The following RNF214 variants were observed in gnomAD, a reference collection of about 807,000 sequenced individuals.
RNF214 encodes the protein ring finger protein 214.
Under a neutral mutation model 75.9 loss-of-function variants are expected in RNF214, and 25 were observed. The ratio of observed to expected loss-of-function variants is 0.33; its 90% confidence interval spans 0.24 to 0.46. RNF214 has a LOEUF of 0.46. RNF214 is among the 20% of genes least tolerant of loss of function. The pLI, the probability that RNF214 is intolerant of heterozygous loss-of-function variation, is 1.00. For missense variants in RNF214, 725 were observed against 857.5 expected, an observed-to-expected ratio of 0.85 and a Z score of 1.93; for synonymous variants, 314 against 308.8, an observed-to-expected ratio of 1.02 and a Z score of -0.18.
chr11:117,277,464 G>A lies in RNF214; in HGVS notation c.960-2444G>A, dbSNP rs551457163. The stretch of plus-strand genomic sequence containing the variant: ...GAATATACCTTGTCAGTAGAGGGCT[G>A]ATGTCAGAGATTGAATAAGTGTGTA... On this transcript the variant is annotated intron_variant, in intron 6 of 14. Coordinates refer to ENST00000300650, the MANE Select transcript of RNF214 (RefSeq NM_207343.4). Among the ~76,000 whole-genome samples, 3 of 152,278 alleles carry A rather than the reference G, an allele frequency of 2.0e-5. No homozygotes were observed. The South Asian group carries it at 6.2e-4, about 32-fold the overall frequency.
intron 6 of RNF214, among the ~76,000 whole-genome samples, chr11:117,250,353 T>C (rs1002742591): frequency 3.9e-5 from 6 of 152,224 alleles, no homozygotes; most frequent in Non-Finnish European, 8.8e-5. Context: ...TGTTAAGTAA[T>C]ACTGTGTCAG....
chr11:117,241,055 C>T (rs905446805), intron 4 of RNF214, among the ~76,000 whole-genome samples: 1 of 151,984 alleles, frequency 6.6e-6, no homozygotes, highest in Non-Finnish European at 1.5e-5. Flanking sequence ...TGGCGTGTGC[C>T]TGTAATCCCA....
At chr11:117,274,596 T>C (rs2033977322) in intron 6 of RNF214, among the ~76,000 whole-genome samples, 2 of 151,696 alleles carry the variant, frequency 1.3e-5, no homozygotes, top group African/African-American at 4.8e-5. Context: ...CTCGAACTCC[T>C]GACCTTAGGT....
intron 6 of RNF214, among the ~76,000 whole-genome samples, chr11:117,274,647 G>A (rs1190426344): frequency 1.3e-5 from 2 of 148,832 alleles, no homozygotes; most frequent in Non-Finnish European, 3.0e-5. Flanking sequence ...GGGATTACAG[G>A]CGTGAGCGAC....
At chr11:117,260,632 CTA>C (rs569036213) in intron 6 of RNF214, among the ~76,000 whole-genome samples, 79 of 144,506 alleles carry the variant, frequency 5.5e-4, no homozygotes, top group African/African-American at 1.9e-3. Flanking sequence ...GACCTAGTCT[CTA>C]TTTCTTTTTT....
chr11:117,240,387 A>T, intron 4 of RNF214, among the ~76,000 whole-genome samples: 1 of 148,898 alleles, frequency 6.7e-6, no homozygotes. Context: ...AAAAAATTAA[A>T]AAAAAAAAAA....
At chr11:117,258,504 A>G (rs1591828760) in intron 6 of RNF214, among the ~76,000 whole-genome samples, 1 of 152,114 alleles carries the variant, frequency 6.6e-6, no homozygotes, top group East Asian at 1.9e-4. Flanking sequence ...CTGAACATAT[A>G]TACATGTACA....
intron 6 of RNF214, among the ~76,000 whole-genome samples, chr11:117,250,606 T>TTTATTA (rs749604870): frequency 7.8e-3 from 79 of 10,148 alleles, no homozygotes; most frequent in East Asian, 0.091. Context: ...TATTTATTTA[T>TTTATTA]TTATTTTTTT....
At chr11:117,237,058 C>A (rs566130481) in intron 2 of RNF214, among the ~76,000 whole-genome samples, 1 of 152,070 alleles carries the variant, frequency 6.6e-6, no homozygotes, top group South Asian at 2.1e-4. Context: ...TAACTCCCAG[C>A]AGGAAGGAAT....
At chr11:117,233,835 G>A (rs2032816735) in intron 1 of RNF214, among the ~76,000 whole-genome samples, 1 of 152,162 alleles carries the variant, frequency 6.6e-6, no homozygotes, top group Non-Finnish European at 1.5e-5. Context: ...AATTAATGGA[G>A]AATGCTTTGA....
intron 8 of RNF214, among the ~76,000 whole-genome samples, chr11:117,280,649 G>A (rs1363224033): frequency 1.3e-5 from 2 of 152,278 alleles, no homozygotes; most frequent in East Asian, 1.9e-4. Context: ...TCCAGCCTAG[G>A]TGACAGTGAG....
At chr11:117,249,343 T>G (rs1316183912) in intron 6 of RNF214, among the ~76,000 whole-genome samples, 1 of 152,240 alleles carries the variant, frequency 6.6e-6, no homozygotes, top group Admixed American at 6.5e-5. Context: ...AGATGGTGAT[T>G]GATACTAATA....
intron 14 of RNF214, 91 bp from the exon 15 acceptor site, chr11:117,284,991 TCTGA>T (rs1453061432): frequency 1.1e-6 from 1 of 883,092 alleles, no homozygotes; most frequent in Non-Finnish European, 1.8e-6. Context: ...TAAGAACTTT[TCTGA>T]CTTAGGCCTT....
chr11:117,271,328 G>A (rs1225834638), intron 6 of RNF214, among the ~76,000 whole-genome samples: 3 of 152,124 alleles, frequency 2.0e-5, no homozygotes, highest in East Asian at 1.9e-4. Flanking sequence ...CTGTGAACCC[G>A]TTTTTGTCTC....
intron 6 of RNF214, among the ~76,000 whole-genome samples, chr11:117,279,141 GCATTCATT>G (rs1165267658): frequency 6.6e-6 from 1 of 152,094 alleles, no homozygotes; most frequent in Non-Finnish European, 1.5e-5. Flanking sequence ...GTTTGGTCCT[GCATTCATT>G]CTTCAGGACC....
chr11:117,254,205 C>T (rs774813935), intron 6 of RNF214, among the ~76,000 whole-genome samples: 10 of 151,734 alleles, frequency 6.6e-5, no homozygotes, highest in African/African-American at 1.7e-4. Flanking sequence ...GCTGAGATCG[C>T]GCCACTGAAC....
intron 6 of RNF214, among the ~76,000 whole-genome samples, chr11:117,272,511 G>C (rs1446437143): frequency 6.6e-6 from 1 of 150,422 alleles, no homozygotes; most frequent in African/African-American, 2.5e-5. Flanking sequence ...CCTAGATGAC[G>C]GGTTGATAGG....
At chr11:117,235,905 G>A (rs1029327662) in intron 2 of RNF214, among the ~76,000 whole-genome samples, 12 of 152,034 alleles carry the variant, frequency 7.9e-5, no homozygotes, top group African/African-American at 2.9e-4. Context: ...ATGGTTGGTT[G>A]AGTCCATGAA....
rs1427084397 is a variant in RNF214 at position 117,232,735 on chromosome 11, C to G, written c.-7+9C>G. On this transcript the variant is annotated intron_variant, in intron 1 of 14. Coordinates refer to ENST00000300650, the MANE Select transcript of RNF214 (RefSeq NM_207343.4). ...CCGCTCCGCCCGCTCAGGTGCGTCCCGTCCCTCCCCCACTTTCCTCCCGGG... is the reference window on the plus strand; with the variant it reads ...CCGCTCCGCCCGCTCAGGTGCGTCCGGTCCCTCCCCCACTTTCCTCCCGGG... 2.0e-5 allele frequency: 3 copies of G among 151,100 alleles called. No homozygotes were observed. The highest frequency in any genetic ancestry group is 4.4e-5 in the Non-Finnish European group (3 of 67,492). The allele number at this position is 151,100 out of a possible 1,614,324, so 9.4% of individuals were successfully genotyped here.
Sources: gnomAD v4.1 joint callset for allele counts (sites outside exome capture counted in the v4.1 genomes callset) on GRCh38, gnomAD v4.1.1 for gene constraint, MANE v1.5 for transcripts, NCBI Gene and HGNC (gene_info 2026-07-23, HGNC 2026-07-21) for gene names.